The following GPR22 variants were observed in gnomAD, a reference collection of about 807,000 sequenced individuals.
The protein encoded by GPR22 is G protein-coupled receptor 22, also known as G-protein coupled receptor 22.
Under a neutral mutation model 31.0 loss-of-function variants are expected in GPR22, and 13 were observed. The observed-to-expected ratio is 0.42, with a 90% confidence interval of 0.27 to 0.67. The LOEUF is 0.67. Among genes scored for constraint, GPR22 ranks in the 30% least tolerant of loss-of-function variants. The pLI is 0.25. For missense variants in GPR22, 368 were observed against 509.6 expected (o/e 0.72, Z 2.67); for synonymous variants, 191 against 173.4 (o/e 1.10, Z -0.80).
At chr7:107,476,183 T>TAAAAAAAAAAA (rs1563056700), downstream of GPR22, among the ~76,000 whole-genome samples, 83 of 86,354 alleles carry the variant, frequency 9.6e-4, no homozygotes, top group Non-Finnish European at 1.4e-3. Context: ...TGCAATGATT[T>TAAAAAAAAAAA]TAAAAAAAAA....
At chr7:107,473,910 A>C in intron 2 of GPR22, 125 bp from the exon 3 acceptor site, 1 of 513,496 alleles carries the variant, frequency 1.9e-6, no homozygotes, top group Non-Finnish European at 3.4e-6. Context: ...ATTTTCTATT[A>C]ATAGTTTACA....
In GPR22 at chr7:107,475,472, T is replaced by C. The variant is rs1224460812; in HGVS notation, c.*110T>C. 3.4e-6 allele frequency: 2 copies of C among 583,622 alleles called. No individual in the cohort carries two copies. Among genetic ancestry groups the C allele is most frequent in the African/African-American group, 3.8e-5 (2 of 52,880 alleles). 36.2% of individuals were successfully genotyped at this position (583,622 alleles called of 1,614,324 possible). A position where few individuals can be genotyped will look rare whatever the true frequency, so the allele number is the denominator to read the frequency against. ...AAAAATATTTTAAGTATTGGTTATG[T>C]TGTAAATTTTCAATGTGAATGTCAA... is the stretch of plus-strand genomic sequence containing the variant. On this transcript the variant is annotated 3_prime_UTR_variant, in exon 3 of 3. Coordinates refer to ENST00000304402, the MANE Select transcript of GPR22 (RefSeq NM_005295.3).
chr7:107,471,374 C>T lies in GPR22; in HGVS notation c.-955C>T, dbSNP rs1796623148. ...ACCAATTTTCTTCTTTTCACAAGGG[C>T]CAATAGCAGCTAATTCAGTATTTAC... On this transcript the variant is annotated splice_region_variant and 5_prime_UTR_variant, in exon 2 of 3. Coordinates refer to ENST00000304402, the MANE Select transcript of GPR22 (RefSeq NM_005295.3). The T allele has an allele frequency of 6.6e-6, 1 of 151,960 alleles. No individual in the cohort carries two copies. The highest frequency in any genetic ancestry group is 6.6e-5 in the Admixed American group (1 of 15,214). 9.4% of individuals were successfully genotyped at this position (151,960 alleles called of 1,614,324 possible). A position where few individuals can be genotyped will look rare whatever the true frequency, so the allele number is the denominator to read the frequency against.
At chr7:107,477,063 A>C (rs1190015071), downstream of GPR22, among the ~76,000 whole-genome samples, 1 of 151,708 alleles carries the variant, frequency 6.6e-6, no homozygotes, top group East Asian at 1.9e-4. Flanking sequence ...TCAATTTGAC[A>C]AAATGTAGCA....
Position 107,475,209 on chromosome 7 carries a change from A to T in GPR22, c.1149A>T (p.Lys383Asn), listed in dbSNP as rs746392823. 3 of 1,612,098 alleles carry T rather than the reference A, an allele frequency of 1.9e-6. No individual in the cohort carries two copies. In the South Asian group the frequency reaches 3.3e-5, roughly 18 times the overall value. ...KFQKVLKSKM[K>N]KRVVSIVEAD... ...AAAAGGTCTTGAAAAGTAAAATGAA[A>T]AAGCGAGTTGTTTCTATAGTAGAAG... Residue 383 changes from lysine to asparagine, a missense_variant, in exon 3 of 3, where the codon AAA (lysine) becomes AAT (asparagine). Physicochemically the swap from Lys to Asn is moderately conservative, Grantham distance 94 (BLOSUM62 0). Transcript: ENST00000304402.
Position 107,474,386 on chromosome 7 carries a change from G to A in GPR22, c.326G>A (p.Ser109Asn). The A allele has an allele frequency of 6.2e-7, 1 of 1,612,724 alleles. No individual in the cohort carries two copies. The highest frequency in any genetic ancestry group is 8.5e-7 in the Non-Finnish European group (1 of 1,178,958). The change falls in exon 3 of 3, where the codon AGT becomes AAT. Residue 109 changes from serine (S) to asparagine (N), a missense_variant. Ser to Asn is a conservative substitution (Grantham distance 46, BLOSUM62 1). Transcript: ENST00000304402. This position sits in a 1 kb window ranked among gnomAD's most constrained non-coding sequence, Gnocchi z 5.7. ...TIVILLLSLE[S>N]NTALICCFHE... The stretch of plus-strand genomic sequence containing the variant: ...GTTATCCTTCTGCTTTCACTGGAGA[G>A]TAACACTGCTCTCATTTGCTGTTTC...
In GPR22 at chr7:107,474,646, T is replaced by C. The variant is rs1796859564; in HGVS notation, c.586T>C (p.Leu196=). ...SGNTWENKTL[L]CVSTNEYYTE... ...AAATACCTGGGAAAACAAGACACTT[T>C]TATGTGTCAGTACAAATGAATACTA... is the stretch of plus-strand genomic sequence containing the variant. Residue 196 remains leucine, a synonymous_variant, in exon 3 of 3, where the codon TTA becomes CTA. Coordinates refer to ENST00000304402, the MANE Select transcript of GPR22 (RefSeq NM_005295.3). This position sits in a 1 kb window ranked among gnomAD's most constrained non-coding sequence, Gnocchi z 5.7. 6.2e-7 allele frequency: 1 copy of C among 1,608,322 alleles called. No homozygotes were observed. Among genetic ancestry groups the C allele is most frequent in the Non-Finnish European group, 8.5e-7 (1 of 1,175,290 alleles).
intron 1 of GPR22, 88 bp from the exon 2 acceptor site, chr7:107,471,284 T>G (rs1045642779): frequency 1.3e-5 from 2 of 152,092 alleles, no homozygotes; most frequent in African/African-American, 4.8e-5. Flanking sequence ...AAATACTGGA[T>G]AGTTTTTAAA....
chr7:107,473,966 TACAAA>T, intron 2 of GPR22, 64 bp from the exon 3 acceptor site: 1 of 579,832 alleles, frequency 1.7e-6, no homozygotes, highest in African/African-American at 1.9e-5. Flanking sequence ...TTTTTTTTCT[TACAAA>T]GAACACGTTA....
downstream of GPR22, among the ~76,000 whole-genome samples, chr7:107,476,311 A>AG (rs1453950404): frequency 2.3e-4 from 35 of 151,356 alleles, no homozygotes; most frequent in African/African-American, 8.4e-4. Context: ...AATGAAAAAA[A>AG]AAAGACTTTA....
Position 107,474,007 on chromosome 7 carries a change from A to AC in GPR22, c.-26-28_-26-27insC. ...TACGTCATTTAAATTGCCAAATATC[A>AC]AATAGTTTATTCTATTTCACTTTCT... On this transcript the variant is annotated intron_variant, in intron 2 of 2. Transcript: ENST00000304402. This position sits in a 1 kb window ranked among gnomAD's most constrained non-coding sequence, Gnocchi z 5.7. 1.1e-6 allele frequency: 1 copy of AC among 906,548 alleles called. No individual in the cohort carries two copies. 56.2% of individuals were successfully genotyped at this position (906,548 alleles called of 1,614,324 possible).
chr7:107,477,420 T>C (rs185612779), downstream of GPR22, among the ~76,000 whole-genome samples: 53 of 151,770 alleles, frequency 3.5e-4, no homozygotes, highest in Admixed American at 3.2e-3. Flanking sequence ...GAACTCAGTA[T>C]AAAAAAGAGA....
In GPR22 at chr7:107,471,466, A is replaced by G. The variant is rs1267739250; in HGVS notation, c.-863A>G. On this transcript the variant is annotated 5_prime_UTR_variant, in exon 2 of 3. The change abolishes an upstream ATG in the 5' untranslated region. Transcript: ENST00000304402. ...AGCTGTCTGAACTACGAACTGCAAG[A>G]TGTTCTTGTAACACGACTTTAAGAC... 2.0e-5 allele frequency: 3 copies of G among 152,070 alleles called. No individual in the cohort carries two copies. The highest frequency in any genetic ancestry group is 7.2e-5 in the African/African-American group (3 of 41,452). The allele number at this position is 152,070 out of a possible 1,614,324, so 9.4% of individuals were successfully genotyped here.
intron 2 of GPR22, 67 bp downstream of exon 2, chr7:107,472,369 A>T (rs2129109817): frequency 6.6e-6 from 1 of 152,162 alleles, no homozygotes; most frequent in Non-Finnish European, 1.5e-5. Context: ...GTCATAGTGA[A>T]CCAAAAGGCC....
chr7:107,473,950 G>A (rs1584869834), intron 2 of GPR22, 85 bp from the exon 3 acceptor site: 9 of 405,890 alleles, frequency 2.2e-5, no homozygotes, highest in South Asian at 3.8e-5. Flanking sequence ...GTACACAATT[G>A]AAAGATTTTT....
In GPR22 at chr7:107,474,985, AAG is replaced by A. The variant is rs1796885361; in HGVS notation, c.930_931del (p.Arg310SerfsTer33). 1 of 1,612,440 alleles carries A rather than the reference AAG, an allele frequency of 6.2e-7. No homozygotes were observed. Among genetic ancestry groups the A allele is most frequent in the Non-Finnish European group, 8.5e-7 (1 of 1,179,248 alleles). On this transcript the variant is annotated frameshift_variant, in exon 3 of 3. Transcript: ENST00000304402. LOFTEE classifies it high-confidence loss of function. This position sits in a 1 kb window ranked among gnomAD's most constrained non-coding sequence, Gnocchi z 5.7. The stretch of plus-strand genomic sequence containing the variant: ...ACACCGTGAACGACGAGAAAGACAA[AAG>A]AGAGTCTTCAGGATGTCTTTATTGA... ...KRHRERRERQ[K>X]RVFRMSLLII...
intron 2 of GPR22, chr7:107,472,804 T>A (rs1381452003): frequency 1.3e-5 from 2 of 151,928 alleles, no homozygotes; most frequent in Non-Finnish European, 2.9e-5. Context: ...ATTTTGAAAA[T>A]TATTAGCTTT....
chr7:107,474,939 C>T lies in GPR22; in HGVS notation c.879C>T (p.Ala293=). The T allele has an allele frequency of 6.2e-7, 1 of 1,612,508 alleles. No individual in the cohort carries two copies. The highest frequency in any genetic ancestry group is 8.5e-7 in the Non-Finnish European group (1 of 1,179,284). ...GAACTTCAGTTTCTGTAATAATTGC[C>T]CTCCGGCGAGCTGTGAAACGACACC... is the stretch of plus-strand genomic sequence containing the variant. ...GVRTSVSVII[A]LRRAVKRHRE... Residue 293 remains alanine (A), a synonymous_variant, in exon 3 of 3, where the codon GCC becomes GCT. Coordinates refer to ENST00000304402, the MANE Select transcript of GPR22 (RefSeq NM_005295.3). The surrounding 1 kb of genome is among the most constrained non-coding windows in gnomAD (Gnocchi z 5.7).
At chr7:107,472,619 TGTTA>T (rs939757822) in intron 2 of GPR22, 2 of 152,012 alleles carry the variant, frequency 1.3e-5, no homozygotes, top group African/African-American at 4.8e-5. Context: ...AGGATTTCAA[TGTTA>T]GCTAAGACCT....
Sources: gnomAD v4.1 joint callset for allele counts (sites outside exome capture counted in the v4.1 genomes callset) on GRCh38, gnomAD v4.1.1 for gene constraint, Gnocchi (gnomAD v3.1) non-coding constraint, MANE v1.5 for transcripts, NCBI Gene and HGNC (gene_info 2026-07-23, HGNC 2026-07-21) for gene names.